The following RAPGEF4 variants were observed in gnomAD, a reference collection of about 807,000 sequenced individuals.
RAPGEF4 encodes the protein RAP guanine-nucleotide-exchange factor (GEF) 4.
In RAPGEF4, 66 loss-of-function variants were observed where a neutral mutation model predicts 147.9. That is an observed-to-expected ratio of 0.45 (90% CI 0.37 to 0.55). RAPGEF4 has a LOEUF of 0.55. Ranked by LOEUF, RAPGEF4 falls within the 20% of genes least tolerant of loss-of-function variation. The pLI is 0.00. For synonymous variants in RAPGEF4, 419 were observed against 442.7 expected, an observed-to-expected ratio of 0.95 and a Z score of 0.67; for missense variants, 1,071 against 1,257.3, an observed-to-expected ratio of 0.85 and a Z score of 2.24.
intron 4 of RAPGEF4, chr2:172,860,098 A>C (rs1693857751): frequency 1.0e-6 from 1 of 985,302 alleles, no homozygotes; most frequent in African/African-American, 1.7e-5. Flanking sequence ...ATGCATACGC[A>C]GAAACATTAG....
At chr2:172,823,315 G>T (rs112132634) in intron 4 of RAPGEF4, among the ~76,000 whole-genome samples, 1,768 of 152,294 alleles carry the variant, frequency 0.012, 36 homozygotes, top group African/African-American at 0.038. Context: ...GTGGCACTCT[G>T]GGTTCTTCTC....
intron 3 of RAPGEF4, among the ~76,000 whole-genome samples, chr2:172,810,679 G>A (rs1214040437): frequency 1.3e-5 from 2 of 152,212 alleles, no homozygotes; most frequent in African/African-American, 4.8e-5. Flanking sequence ...AACCCAGTAT[G>A]TTTTCCTAAC....
chr2:172,788,387 G>T (rs1303831202), intron 1 of RAPGEF4, among the ~76,000 whole-genome samples: 1 of 152,208 alleles, frequency 6.6e-6, no homozygotes, highest in African/African-American at 2.4e-5. Flanking sequence ...AAAGCTCCAA[G>T]AAGGGAGTGA....
chr2:172,776,268 G>A (rs879515189), intron 1 of RAPGEF4, among the ~76,000 whole-genome samples: 12 of 152,114 alleles, frequency 7.9e-5, no homozygotes, highest in Non-Finnish European at 1.3e-4. Context: ...GATAGTGGTA[G>A]TGCTAAACAC....
intron 4 of RAPGEF4, among the ~76,000 whole-genome samples, chr2:172,883,532 T>C (rs1696851009): frequency 6.6e-6 from 1 of 152,154 alleles, no homozygotes; most frequent in Admixed American, 6.5e-5. Context: ...GTCAAAAACA[T>C]TCATATTGGA....
At chr2:172,996,235 A>G (rs1016013608) in intron 15 of RAPGEF4, among the ~76,000 whole-genome samples, 4 of 152,180 alleles carry the variant, frequency 2.6e-5, no homozygotes, top group South Asian at 2.1e-4. Flanking sequence ...TTATTTCCAT[A>G]TAGGGAAAAA....
At chr2:172,836,963 C>G (rs962857724) in intron 4 of RAPGEF4, among the ~76,000 whole-genome samples, 2 of 152,070 alleles carry the variant, frequency 1.3e-5, no homozygotes, top group Non-Finnish European at 2.9e-5. Flanking sequence ...TGAGATAGAC[C>G]TAGGTATGTG....
At chr2:173,012,252 C>T (rs2105875681) in intron 17 of RAPGEF4, among the ~76,000 whole-genome samples, 1 of 152,290 alleles carries the variant, frequency 6.6e-6, no homozygotes, top group Admixed American at 6.5e-5. Flanking sequence ...TCCATAGTGG[C>T]ATCAGGATAT....
chr2:173,022,553 G>C (rs975684403), intron 23 of RAPGEF4, among the ~76,000 whole-genome samples: 1 of 152,140 alleles, frequency 6.6e-6, no homozygotes, highest in Admixed American at 6.5e-5. Flanking sequence ...CCCTGCAGTA[G>C]AGAATGTTGG....
intron 17 of RAPGEF4, among the ~76,000 whole-genome samples, chr2:173,003,109 C>G (rs1694100114): frequency 6.6e-6 from 1 of 151,372 alleles, no homozygotes; most frequent in African/African-American, 2.4e-5. Flanking sequence ...TTTACAAGTC[C>G]AAGCCCCAAA....
intron 4 of RAPGEF4, among the ~76,000 whole-genome samples, chr2:172,822,965 G>A (rs1024164507): frequency 1.3e-5 from 2 of 152,202 alleles, no homozygotes. Context: ...AGGTGGAGGT[G>A]CAAAATGCCC....
intron 4 of RAPGEF4, among the ~76,000 whole-genome samples, chr2:172,876,923 G>A (rs977182874): frequency 6.6e-6 from 1 of 152,140 alleles, no homozygotes; most frequent in Admixed American, 6.5e-5. Context: ...TAATTTCAGA[G>A]CCTGTTATTG....
At chr2:172,757,034 A>G (rs904447378) in intron 1 of RAPGEF4, among the ~76,000 whole-genome samples, 3 of 152,226 alleles carry the variant, frequency 2.0e-5, no homozygotes, top group African/African-American at 7.2e-5. Context: ...AAGAACCTCA[A>G]TTTACCCAGA....
intron 4 of RAPGEF4, among the ~76,000 whole-genome samples, chr2:172,909,643 C>T (rs982173484): frequency 7.2e-5 from 11 of 152,126 alleles, no homozygotes; most frequent in Non-Finnish European, 1.2e-4. Context: ...TGAGTCACCT[C>T]GGAACCACTG....
At chr2:172,919,273 T>C (rs142884765) in intron 5 of RAPGEF4, among the ~76,000 whole-genome samples, 2 of 152,270 alleles carry the variant, frequency 1.3e-5, no homozygotes, top group African/African-American at 4.8e-5. Context: ...GTGCCAGGCA[T>C]GTAAAAAGCT....
At chr2:172,872,832 T>G (rs545255388) in intron 4 of RAPGEF4, among the ~76,000 whole-genome samples, 1 of 152,222 alleles carries the variant, frequency 6.6e-6, no homozygotes, top group East Asian at 1.9e-4. Context: ...TCTCAGATAG[T>G]TCTTTATAGC....
At chr2:172,835,195 A>C (rs1197474435) in intron 4 of RAPGEF4, among the ~76,000 whole-genome samples, 5 of 152,230 alleles carry the variant, frequency 3.3e-5, no homozygotes, top group Non-Finnish European at 7.3e-5. Flanking sequence ...GAGTGCTCAT[A>C]GTGGTGTCAC....
At chr2:172,817,066 A>C (rs1046908076) in intron 4 of RAPGEF4, among the ~76,000 whole-genome samples, 1 of 152,244 alleles carries the variant, frequency 6.6e-6, no homozygotes, top group Non-Finnish European at 1.5e-5. Context: ...CTTCTGAATA[A>C]AAAAGATTGA....
chr2:173,018,927 C>A, intron 22 of RAPGEF4, 125 bp downstream of exon 22: 3 of 1,061,588 alleles, frequency 2.8e-6, no homozygotes, highest in South Asian at 1.6e-5. Flanking sequence ...CTTATGTATG[C>A]TTCCACTAAT....
Sources: allele counts gnomAD v4.1 joint callset (sites outside exome capture counted in the v4.1 genomes callset), GRCh38; gene constraint gnomAD v4.1.1; transcripts MANE v1.5; gene names NCBI Gene and HGNC (gene_info 2026-07-23, HGNC 2026-07-21).